Variants in GALNTL6 observed in about 807,000 individuals in gnomAD.
The protein encoded by GALNTL6 is polypeptide N-acetylgalactosaminyltransferase like 6, also known as polypeptide N-acetylgalactosaminyltransferase-like 6.
Under a neutral mutation model 73.7 loss-of-function variants are expected in GALNTL6, and 46 were observed. The observed-to-expected ratio is 0.62, with a 90% CI of 0.49 to 0.80. GALNTL6 has a LOEUF of 0.80. Among genes scored for constraint, GALNTL6 ranks in the 30% least tolerant of loss-of-function variants. The pLI is 0.00. For missense variants in GALNTL6, 604 were observed against 755.0 expected, an observed-to-expected ratio of 0.80 and a Z score of 2.34; for synonymous variants, 259 against 263.7, an observed-to-expected ratio of 0.98 and a Z score of 0.17.
At chr4:172,239,155 G>A (rs181414937) in intron 3 of GALNTL6, among the ~76,000 whole-genome samples, 57 of 152,220 alleles carry the variant, frequency 3.7e-4, no homozygotes, top group Admixed American at 3.5e-3. Context: ...CAACTTTTTG[G>A]AATAGTTTTA....
intron 5 of GALNTL6, among the ~76,000 whole-genome samples, chr4:172,723,704 C>A (rs1444189781): frequency 6.6e-6 from 1 of 152,058 alleles, no homozygotes; most frequent in Non-Finnish European, 1.5e-5. Context: ...TGCCAAGTAA[C>A]AATCAATTAA....
intron 5 of GALNTL6, among the ~76,000 whole-genome samples, chr4:172,727,723 G>A (rs1735902151): frequency 6.6e-6 from 1 of 152,090 alleles, no homozygotes; most frequent in Non-Finnish European, 1.5e-5. Flanking sequence ...ACACCATTAT[G>A]TGTATTAATA....
At chr4:173,024,632 G>A (rs944494113) in intron 12 of GALNTL6, among the ~76,000 whole-genome samples, 10 of 152,022 alleles carry the variant, frequency 6.6e-5, no homozygotes, top group African/African-American at 2.4e-4. Flanking sequence ...GCCCAGGCTG[G>A]GGTCAATGGC....
chr4:172,036,372 G>A (rs972610740), intron 2 of GALNTL6, among the ~76,000 whole-genome samples: 11 of 151,966 alleles, frequency 7.2e-5, no homozygotes, highest in Admixed American at 1.3e-4. Flanking sequence ...TTTTTCACAC[G>A]ATGTCAGTAA....
chr4:173,032,375 C>T (rs1481622593), intron 12 of GALNTL6, among the ~76,000 whole-genome samples: 1 of 151,118 alleles, frequency 6.6e-6, no homozygotes, highest in Admixed American at 6.6e-5. Context: ...GGCGTGAACC[C>T]GGGAGGCGGA....
At chr4:172,818,426 C>T (rs1468772900) in intron 7 of GALNTL6, among the ~76,000 whole-genome samples, 1 of 152,174 alleles carries the variant, frequency 6.6e-6, no homozygotes, top group Non-Finnish European at 1.5e-5. Flanking sequence ...GATAGAGCTT[C>T]ACAATTCCTT....
At chr4:171,981,282 A>G (rs1383646834) in intron 2 of GALNTL6, among the ~76,000 whole-genome samples, 1 of 152,244 alleles carries the variant, frequency 6.6e-6, no homozygotes, top group Non-Finnish European at 1.5e-5. Flanking sequence ...TTTTCACCAA[A>G]TGCACAATTT....
intron 5 of GALNTL6, among the ~76,000 whole-genome samples, chr4:172,552,855 A>AAAAAAAAC (rs1553960379): frequency 6.6e-6 from 1 of 150,476 alleles, no homozygotes; most frequent in Non-Finnish European, 1.5e-5. Context: ...AAAAAAAAAA[A>AAAAAAAAC]AAGGTAAAAA....
At chr4:172,006,005 A>G (rs558665785) in intron 2 of GALNTL6, among the ~76,000 whole-genome samples, 1 of 152,302 alleles carries the variant, frequency 6.6e-6, no homozygotes, top group East Asian at 1.9e-4. Flanking sequence ...TTCTAGTATC[A>G]GATCTTACAT....
intron 9 of GALNTL6, among the ~76,000 whole-genome samples, chr4:172,950,888 TAG>T (rs1373629863): frequency 6.6e-6 from 1 of 152,140 alleles, no homozygotes; most frequent in Non-Finnish European, 1.5e-5. Flanking sequence ...ACACAAGAAG[TAG>T]AGACTAAGGG....
chr4:172,708,393 G>A (rs1173515213), intron 5 of GALNTL6, among the ~76,000 whole-genome samples: 1 of 152,198 alleles, frequency 6.6e-6, no homozygotes, highest in Non-Finnish European at 1.5e-5. Flanking sequence ...TAGTACAGGT[G>A]TCATCCAGGC....
At position 172,225,617 on chromosome 4, in the gene GALNTL6, C is replaced by T. The variant is rs539998539; in HGVS notation, c.139-4039C>T. Among the ~76,000 whole-genome samples the T allele has an allele frequency of 5.3e-5, 8 of 151,950 alleles. No homozygotes were observed. In the South Asian group the frequency reaches 1.2e-3, roughly 24 times the overall value. ...AACAAGTTCCCATGATGGCCGGGTG[C>T]GATGGCTCACGCCTGTAGTCCCAGC... is the stretch of plus-strand genomic sequence containing the variant. On this transcript the variant is annotated intron_variant, in intron 2 of 12. Transcript: ENST00000506823.
chr4:171,927,264 G>C (rs770443294), intron 2 of GALNTL6, among the ~76,000 whole-genome samples: 4 of 151,992 alleles, frequency 2.6e-5, no homozygotes, highest in Non-Finnish European at 5.9e-5. Flanking sequence ...TCAATTATTT[G>C]AAATTATATT....
chr4:172,845,173 G>C (rs1391987749), intron 7 of GALNTL6, among the ~76,000 whole-genome samples: 1 of 142,176 alleles, frequency 7.0e-6, no homozygotes, highest in Non-Finnish European at 1.5e-5. Context: ...AGCCAAGATT[G>C]CACCACTGCA....
At position 172,015,981 on chromosome 4, in the gene GALNTL6, C is replaced by T. The variant is rs576811160; in HGVS notation, c.138+201263C>T. On this transcript the variant is annotated intron_variant, in intron 2 of 12. Coordinates refer to ENST00000506823, the MANE Select transcript of GALNTL6 (RefSeq NM_001034845.3). ...TGTAGGTTACCTGATGCTTTTGTCT[C>T]ACAGCTCTTAAGATTCTTTCCTTTG... Among the ~76,000 whole-genome samples the T allele has an allele frequency of 1.4e-3, 130 of 95,774 alleles. 1 individual carries two copies. The highest frequency in any genetic ancestry group is 6.5e-3 in the Admixed American group (45 of 6,966). The allele number at this position is 95,774 out of a possible 152,430, so 62.8% of individuals were successfully genotyped here.
chr4:171,924,207 C>CACAT (rs1273755007), intron 2 of GALNTL6, among the ~76,000 whole-genome samples: 1 of 150,578 alleles, frequency 6.6e-6, no homozygotes, highest in Non-Finnish European at 1.5e-5. Flanking sequence ...CACACACACA[C>CACAT]ACACACAAAC....
chr4:172,681,521 T>A (rs993833565), intron 5 of GALNTL6, among the ~76,000 whole-genome samples: 2 of 152,202 alleles, frequency 1.3e-5, no homozygotes, highest in African/African-American at 2.4e-5. Context: ...AAAATGAATA[T>A]CTTATATTGG....
chr4:172,845,872 G>T (rs900528704), intron 7 of GALNTL6, among the ~76,000 whole-genome samples: 3 of 152,110 alleles, frequency 2.0e-5, no homozygotes, highest in Non-Finnish European at 4.4e-5. Flanking sequence ...TGTTTAAATT[G>T]TTCTGGAAAG....
chr4:172,940,657 G>A (rs949444955), intron 9 of GALNTL6, among the ~76,000 whole-genome samples: 5 of 151,060 alleles, frequency 3.3e-5, no homozygotes, highest in African/African-American at 4.9e-5. Flanking sequence ...CACCACACCC[G>A]GCCAACATTT....
Sources: allele counts gnomAD v4.1 joint callset (sites outside exome capture counted in the v4.1 genomes callset), GRCh38; gene constraint gnomAD v4.1.1; transcripts MANE v1.5; gene names NCBI Gene and HGNC (gene_info 2026-07-23, HGNC 2026-07-21).